Variants in ITGB4 observed in about 807,000 individuals in gnomAD.
ITGB4 encodes integrin beta-4.
Under a neutral mutation model 207.6 loss-of-function variants are expected in ITGB4, and 159 were observed. The observed-to-expected ratio is 0.77, with a 90% confidence interval of 0.67 to 0.87. ITGB4 has a LOEUF of 0.87. ITGB4 is among the 40% of genes least tolerant of loss of function. ITGB4 has a pLI of 0.00. For synonymous variants in ITGB4, 1,020 were observed against 1,062.7 expected (o/e 0.96, Z 0.78); for missense variants, 2,278 against 2,546.8 (o/e 0.89, Z 2.27).
chr17:75,748,731 C>G, intron 26 of ITGB4, 110 bp from the exon 27 acceptor site: 1 of 778,518 alleles, frequency 1.3e-6, no homozygotes, highest in Non-Finnish European at 2.1e-6. Context: ...CTCCACCCAG[C>G]AAGCAGGGAT....
At chr17:75,755,207 G>T (rs767978153) in intron 34 of ITGB4, 1 of 1,603,412 alleles carries the variant, frequency 6.2e-7, no homozygotes, top group Non-Finnish European at 8.5e-7. Context: ...GCCCTCCTGG[G>T]GCCCAGGTAG....
In ITGB4 at chr17:75,727,513, G is replaced by A. The variant is rs769790730; in HGVS notation, c.264+8G>A. The A allele has an allele frequency of 8.7e-6, 14 of 1,613,282 alleles. No individual in the cohort carries two copies. In the East Asian group the frequency reaches 3.1e-4, roughly 36 times the overall value. Reference sequence around the variant, plus strand: ...AGCTTCCAAATCACAGAGGTGCCTGGTGTGGGGACTGGGGTGGGGGCTCCC... The same window carrying A: ...AGCTTCCAAATCACAGAGGTGCCTGATGTGGGGACTGGGGTGGGGGCTCCC... On this transcript the variant is annotated splice_region_variant and intron_variant, in intron 4 of 39. Transcript: ENST00000200181. The surrounding 1 kb of genome is among the most constrained non-coding windows in gnomAD (Gnocchi z 6.0).
At chr17:75,755,978 G>A (rs1008178) in intron 35 of ITGB4, 128 bp downstream of exon 35, 2 of 1,147,580 alleles carry the variant, frequency 1.7e-6, no homozygotes, top group African/African-American at 3.1e-5. Context: ...CCCCCATCCA[G>A]CCTGAGAGGG....
Position 75,757,065 on chromosome 17 carries a change from C to A in ITGB4, c.5176C>A (p.Pro1726Thr), listed in dbSNP as rs770847957. Reference protein sequence around the residue: ...VQARTTEGFGPEREGIITIES... With the variant: ...VQARTTEGFGTEREGIITIES... ...GGCCAGGACCACTGAGGGCTTCGGG[C>A]CAGAGCGCGAGGGCATCATCACCAT... is the stretch of plus-strand genomic sequence containing the variant. The change falls in exon 38 of 40, where the codon CCA (proline) becomes ACA (threonine). Residue 1726 changes from proline to threonine, a missense_variant. Pro to Thr is a conservative substitution (Grantham distance 38). Transcript: ENST00000200181. 5 of 1,612,942 alleles carry A rather than the reference C, an allele frequency of 3.1e-6. No homozygotes were observed. In the Admixed American group the frequency reaches 6.7e-5, roughly 22 times the overall value.
rs1280552556 is a variant in ITGB4 at position 75,722,806 on chromosome 17, A to G, written c.-11+1194A>G. Among the ~76,000 whole-genome samples, 8 of 136,634 alleles carry G rather than the reference A, an allele frequency of 5.9e-5. No homozygotes were observed. The highest frequency in any genetic ancestry group is 4.5e-4 in the Admixed American group (6 of 13,448). The allele number at this position is 136,634 out of a possible 152,430, so 89.6% of individuals were successfully genotyped here. ...GTGTGTGTGTGTCCCTGTGGGGGGG[A>G]AACTGCCTGTGCTGCAGTGTGATGG... On this transcript the variant is annotated intron_variant, in intron 1 of 39. Coordinates refer to ENST00000200181, the MANE Select transcript of ITGB4 (RefSeq NM_000213.5). This position sits in a 1 kb window ranked among gnomAD's most constrained non-coding sequence, Gnocchi z 6.2.
rs770655812 is a variant in ITGB4 at position 75,730,396 on chromosome 17, G to A, written c.894G>A (p.Gln298=). 5 of 1,614,024 alleles carry A rather than the reference G, an allele frequency of 3.1e-6. No individual in the cohort carries two copies. Among genetic ancestry groups the A allele is most frequent in the African/African-American group, 1.3e-5 (1 of 75,040 alleles). ...CHLDTTGTYT[Q]YRTQDYPSVP... Reference sequence around the variant, plus strand: ...TGGACACCACGGGCACCTACACCCAGTACAGGACACAGGACTACCCGTCGG... The same window carrying A: ...TGGACACCACGGGCACCTACACCCAATACAGGACACAGGACTACCCGTCGG... Residue 298 remains glutamine (Q), a synonymous_variant, in exon 8 of 40, where the codon CAG becomes CAA. Transcript: ENST00000200181.
Position 75,757,730 on chromosome 17 carries a change from G to A in ITGB4, c.*175G>A. On this transcript the variant is annotated 3_prime_UTR_variant, in exon 40 of 40. Transcript: ENST00000200181. The stretch of plus-strand genomic sequence containing the variant: ...AAGGGGGCAAGGTCCGTCCTCTGTG[G>A]GCCCAAACCTATTTGTAACCAAAGA... 1.2e-6 allele frequency: 1 copy of A among 829,574 alleles called. No homozygotes were observed. The highest frequency in any genetic ancestry group is 1.9e-6 in the Non-Finnish European group (1 of 514,574). The allele number at this position is 829,574 out of a possible 1,614,324, so 51.4% of individuals were successfully genotyped here. A position where few individuals can be genotyped will look rare whatever the true frequency, so the allele number is the denominator to read the frequency against.
chr17:75,727,691 C>T lies in ITGB4; in HGVS notation c.305C>T (p.Ser102Phe), dbSNP rs763129009. The change falls in exon 5 of 40, where the codon TCC becomes TTC. Residue 102 changes from serine (S) to phenylalanine (F), a missense_variant. By Grantham distance (155) the Ser-to-Phe change is radical. Coordinates refer to ENST00000200181, the MANE Select transcript of ITGB4 (RefSeq NM_000213.5). This position sits in a 1 kb window ranked among gnomAD's most constrained non-coding sequence, Gnocchi z 6.0. ...ACCACCCTGCGGCGCAGCCAGATGT[C>T]CCCCCAAGGCCTGCGGGTCCGTCTG... ...IDTTLRRSQM[S>F]PQGLRVRLRP... is the part of the protein sequence containing the mutation. 26 of 1,611,396 alleles carry T rather than the reference C, an allele frequency of 1.6e-5. No individual in the cohort carries two copies. Among genetic ancestry groups the T allele is most frequent in the African/African-American group, 1.1e-4 (8 of 74,878 alleles).
rs934956041 is a variant in ITGB4, at chr17:75,731,728, T to C, written c.1216-84T>C. ...AGGGATCCAGACATCTCCTAGGAAC[T>C]TGGGGGCCGAGGGCCTTCAGGCATC... On this transcript the variant is annotated intron_variant, in intron 10 of 39. Transcript: ENST00000200181. This position sits in a 1 kb window ranked among gnomAD's most constrained non-coding sequence, Gnocchi z 6.8. 7.7e-6 allele frequency: 11 copies of C among 1,428,654 alleles called. No homozygotes were observed. The highest frequency in any genetic ancestry group is 4.3e-5 in the African/African-American group (3 of 70,262). The allele number at this position is 1,428,654 out of a possible 1,614,324, so 88.5% of individuals were successfully genotyped here. A position where few individuals can be genotyped will look rare whatever the true frequency, so the allele number is the denominator to read the frequency against.
In ITGB4 at chr17:75,729,180, CCTT is replaced by C. The variant is rs1013251618; in HGVS notation, c.567-82_567-80del. On this transcript the variant is annotated intron_variant, in intron 6 of 39. Transcript: ENST00000200181. The surrounding 1 kb of genome is among the most constrained non-coding windows in gnomAD (Gnocchi z 4.4). ...TCTCAAAAAAAAAAAAAAAAATTCT[CCTT>C]CTAGTTGAAACGAGCCAGGGGCACT... The C allele has an allele frequency of 2.4e-5, 30 of 1,247,800 alleles. No homozygotes were observed. Among genetic ancestry groups the C allele is most frequent in the African/African-American group, 2.3e-4 (15 of 65,372 alleles). 77.3% of individuals were successfully genotyped at this position (1,247,800 alleles called of 1,614,324 possible).
intron 8 of ITGB4, among the ~76,000 whole-genome samples, 185 bp from the exon 9 acceptor site, chr17:75,730,690 G>A (rs1253549122): frequency 6.6e-6 from 1 of 151,484 alleles, no homozygotes; most frequent in Non-Finnish European, 1.5e-5. Context: ...GCCCTAGTGG[G>A]AAGGGGAGGT....
chr17:75,735,913 A>T (rs1206472230), intron 13 of ITGB4, 138 bp from the exon 14 acceptor site: 4 of 788,968 alleles, frequency 5.1e-6, no homozygotes, highest in Non-Finnish European at 9.0e-6. Context: ...GAAAGTGAGG[A>T]AGAGATGACT....
At chr17:75,725,285 G>C (rs820168) in intron 2 of ITGB4, among the ~76,000 whole-genome samples, 40,401 of 152,110 alleles carry the variant, frequency 0.27, 5,627 homozygotes, top group East Asian at 0.42. Context: ...TCAAGCACCA[G>C]AGACCAGAGC....
chr17:75,724,288 C>A (rs1011374495), intron 1 of ITGB4, among the ~76,000 whole-genome samples: 2 of 152,242 alleles, frequency 1.3e-5, no homozygotes, highest in African/African-American at 4.8e-5. Context: ...GGAGGCAGAG[C>A]TGCGGCCCCC....
At position 75,750,279 on chromosome 17, in the gene ITGB4, G is replaced by C. The variant is rs768553595; in HGVS notation, c.3474+11G>C. 15 of 1,604,418 alleles carry C rather than the reference G, an allele frequency of 9.3e-6. No individual in the cohort carries two copies. Among genetic ancestry groups the C allele is most frequent in the Non-Finnish European group, 1.1e-5 (13 of 1,173,932 alleles). ...CCAATGGGGTACAGGGTAAGGCGGGGGGCTGAGGGTCACGACAGGTGGATG... is the reference window on the plus strand; with the variant it reads ...CCAATGGGGTACAGGGTAAGGCGGGCGGCTGAGGGTCACGACAGGTGGATG... On this transcript the variant is annotated intron_variant, in intron 28 of 39. Transcript: ENST00000200181. The surrounding 1 kb of genome is among the most constrained non-coding windows in gnomAD (Gnocchi z 5.5).
In ITGB4 at chr17:75,754,961, CGCATGCACACATGTACACAG is replaced by C. The variant is rs572490083; in HGVS notation, c.4558+147_4558+166del. ...ACACATGCACGCACACACGTGCACA[CGCATGCACACATGTACACAG>C]ACATGCATGCGCACACGTACACACA... is the stretch of plus-strand genomic sequence containing the variant. On this transcript the variant is annotated intron_variant, in intron 34 of 39. Coordinates refer to ENST00000200181, the MANE Select transcript of ITGB4 (RefSeq NM_000213.5). 2.4e-4 allele frequency: 365 copies of C among 1,531,548 alleles called. 1 individual carries two copies. The African/African-American group carries it at 3.1e-3, about 13-fold the overall frequency. The allele number at this position is 1,531,548 out of a possible 1,614,324, so 94.9% of individuals were successfully genotyped here. A position where few individuals can be genotyped will look rare whatever the true frequency, so the allele number is the denominator to read the frequency against.
chr17:75,741,362 G>A (rs774713403), intron 23 of ITGB4, among the ~76,000 whole-genome samples: 2 of 152,160 alleles, frequency 1.3e-5, no homozygotes, highest in South Asian at 2.1e-4. Context: ...TGGGGACCAG[G>A]CAGGTTACCG....
rs747613058 is a variant in ITGB4 at position 75,756,745 on chromosome 17, C to G, written c.4939C>G (p.Leu1647Val). 3 of 1,612,960 alleles carry G rather than the reference C, an allele frequency of 1.9e-6. No homozygotes were observed. Among genetic ancestry groups the G allele is most frequent in the Admixed American group, 1.7e-5 (1 of 60,004 alleles). Residue 1647 changes from leucine to valine, a missense_variant, in exon 37 of 40, where the codon CTG (leucine) becomes GTG (valine). Transcript: ENST00000200181. Reference sequence around the variant, plus strand: ...GAGCACTCCCAGTGCCCCAGGCCCGCTGGTGTTCACTGCCCTGAGCCCAGA... The same window carrying G: ...GAGCACTCCCAGTGCCCCAGGCCCGGTGGTGTTCACTGCCCTGAGCCCAGA... ...TLSTPSAPGP[L>V]VFTALSPDSL...
At chr17:75,733,985 C>T (rs1397189621) in intron 13 of ITGB4, among the ~76,000 whole-genome samples, 1 of 152,174 alleles carries the variant, frequency 6.6e-6, no homozygotes, top group Non-Finnish European at 1.5e-5. Flanking sequence ...TCTATGCCCA[C>T]CCCACTTCTC....
Sources: allele counts gnomAD v4.1 joint callset (sites outside exome capture counted in the v4.1 genomes callset), GRCh38; gene constraint gnomAD v4.1.1; non-coding constraint Gnocchi (gnomAD v3.1); transcripts MANE v1.5; gene names NCBI Gene and HGNC (gene_info 2026-07-23, HGNC 2026-07-21).